TMCC2: variants seen among roughly 807,000 people sequenced by gnomAD.
TMCC2 encodes the protein transmembrane and coiled-coil domains protein 2.
Under a neutral mutation model 49.4 loss-of-function variants are expected in TMCC2, and 16 were observed. That is an observed-to-expected ratio of 0.32 (90% CI 0.22 to 0.49). The LOEUF is 0.49. Among genes scored for constraint, TMCC2 ranks in the 20% least tolerant of loss-of-function variants. TMCC2 has a pLI of 0.99. For synonymous variants in TMCC2, 397 were observed against 434.1 expected, an observed-to-expected ratio of 0.91 and a Z score of 1.06; for missense variants, 762 against 989.8, an observed-to-expected ratio of 0.77 and a Z score of 3.09.
In TMCC2 at chr1:205,241,677, C is replaced by T. The variant is rs1660268741; in HGVS notation, c.380C>T (p.Pro127Leu). The part of the protein sequence containing the change: ...HDSPDEKERS[P>L]EMHRVSYAMS... ...TCCCCAGATGAGAAGGAGCGCTCTCCGGAGATGCATCGCGTCTCCTACGCC... is the reference window on the plus strand; with the variant it reads ...TCCCCAGATGAGAAGGAGCGCTCTCTGGAGATGCATCGCGTCTCCTACGCC... The change falls in exon 2 of 5, where the codon CCG (proline) becomes CTG (leucine). Residue 127 changes from proline to leucine, a missense_variant. Physicochemically the swap from Pro to Leu is moderately conservative, Grantham distance 98. This residue lies in a region of TMCC2 where 322 missense variants were observed against 353.1 expected (regional missense o/e 0.91). Coordinates refer to ENST00000358024, the MANE Select transcript of TMCC2 (RefSeq NM_014858.4). This position sits in a 1 kb window ranked among gnomAD's most constrained non-coding sequence, Gnocchi z 7.3. The T allele has an allele frequency of 2.5e-6, 4 of 1,613,720 alleles. No homozygotes were observed. The highest frequency in any genetic ancestry group is 3.4e-6 in the Non-Finnish European group (4 of 1,180,000).
chr1:205,269,734 G>A lies in TMCC2; in HGVS notation c.1532G>A (p.Gly511Asp), dbSNP rs746478355. ...AGCCCTAAGTCCAATGCACTGTATG[G>A]TGCTCCTGGAAACCTGGATGCTCTG... ...LGSPKSNALY[G>D]APGNLDALLE... The change falls in exon 3 of 5, where the codon GGT becomes GAT. Residue 511 changes from glycine (G) to aspartate (D), a missense_variant. Gly to Asp is a moderately conservative substitution (Grantham distance 94, BLOSUM62 -1). Around this residue, in one of 2 missense-constraint regions of TMCC2, gnomAD observed 440 missense variants for 636.7 expected, o/e 0.69. Transcript: ENST00000358024. 1 of 1,614,212 alleles carries A rather than the reference G, an allele frequency of 6.2e-7. No homozygotes were observed. The highest frequency in any genetic ancestry group is 8.5e-7 in the Non-Finnish European group (1 of 1,180,024).
chr1:205,241,402 C>T lies in TMCC2; in HGVS notation c.208-103C>T. ...TTCCAGGTTCAGATGGCTGCATTAG[C>T]TATGCCAGTCTACCAAGGACAGACC... On this transcript the variant is annotated intron_variant, in intron 1 of 4. Coordinates refer to ENST00000358024, the MANE Select transcript of TMCC2 (RefSeq NM_014858.4). The surrounding 1 kb of genome is among the most constrained non-coding windows in gnomAD (Gnocchi z 7.3). The T allele has an allele frequency of 8.1e-7, 1 of 1,237,306 alleles. No homozygotes were observed. Among genetic ancestry groups the T allele is most frequent in the Non-Finnish European group, 1.1e-6 (1 of 887,472 alleles). 76.6% of individuals were successfully genotyped at this position (1,237,306 alleles called of 1,614,324 possible). A position where few individuals can be genotyped will look rare whatever the true frequency, so the allele number is the denominator to read the frequency against.
intron 1 of TMCC2, among the ~76,000 whole-genome samples, chr1:205,232,267 A>G (rs1313838045): frequency 6.6e-6 from 1 of 152,232 alleles, no homozygotes; most frequent in Non-Finnish European, 1.5e-5. Flanking sequence ...CAGGAGGCTC[A>G]TGCAGATACA....
rs1241476015 is a variant in TMCC2 at position 205,229,545 on chromosome 1, CGGGGGGGGG to C, written c.207+779_207+787del. The C allele has an allele frequency of 3.1e-4, 93 of 298,770 alleles. 2 individuals carry two copies. The South Asian group carries it at 0.014, about 46-fold the overall frequency. The allele number at this position is 298,770 out of a possible 1,614,324, so 18.5% of individuals were successfully genotyped here. A position where few individuals can be genotyped will look rare whatever the true frequency, so the allele number is the denominator to read the frequency against. The stretch of plus-strand genomic sequence containing the variant: ...CTCAGTTTGCCGATCTGTGAAGGGG[CGGGGGGGGG>C]GGGGTGGTGGCGGGGGCGGGGGGGG... On this transcript the variant is annotated intron_variant, in intron 1 of 4. Coordinates refer to ENST00000358024, the MANE Select transcript of TMCC2 (RefSeq NM_014858.4).
At position 205,271,225 on chromosome 1, in the gene TMCC2, C is replaced by T. The variant is rs1325506977; in HGVS notation, c.1788C>T (p.Tyr596=). ...CCAGCATGGAGGAGAAGGTGGCCTACCAGTCCTATGAGAGGGCACGGGACA... is the reference window on the plus strand; with the variant it reads ...CCAGCATGGAGGAGAAGGTGGCCTATCAGTCCTATGAGAGGGCACGGGACA... ...ELASMEEKVA[Y]QSYERARDIQ... Residue 596 remains tyrosine (Y), a synonymous_variant, in exon 4 of 5, where the codon TAC becomes TAT. Coordinates refer to ENST00000358024, the MANE Select transcript of TMCC2 (RefSeq NM_014858.4). 1 of 1,614,040 alleles carries T rather than the reference C, an allele frequency of 6.2e-7. No homozygotes were observed. Among genetic ancestry groups the T allele is most frequent in the African/African-American group, 1.3e-5 (1 of 74,936 alleles).
At chr1:205,260,178 C>T (rs926638361) in intron 2 of TMCC2, among the ~76,000 whole-genome samples, 4 of 152,176 alleles carry the variant, frequency 2.6e-5, no homozygotes, top group Non-Finnish European at 5.9e-5. Context: ...GCCAGCCTAT[C>T]TCAGGCAGGT....
At position 205,228,786 on chromosome 1, in the gene TMCC2, T is replaced by C. The variant is rs1313662041; in HGVS notation, c.207+15T>C. On this transcript the variant is annotated intron_variant, in intron 1 of 4. Coordinates refer to ENST00000358024, the MANE Select transcript of TMCC2 (RefSeq NM_014858.4). ...CTGATTTAAAGGTGAGCGCAGACCA[T>C]CCCCCCGGCAAGCCCAGCCCGCGAC... The C allele has an allele frequency of 1.9e-6, 3 of 1,573,914 alleles. No homozygotes were observed. The highest frequency in any genetic ancestry group is 2.3e-5 in the East Asian group (1 of 42,884).
chr1:205,233,246 C>G (rs923872915), intron 1 of TMCC2, among the ~76,000 whole-genome samples: 3 of 152,168 alleles, frequency 2.0e-5, no homozygotes, highest in Admixed American at 2.0e-4. Flanking sequence ...TCACAAAAGC[C>G]CCTTTAAGTA....
chr1:205,228,715 G>C lies in TMCC2; in HGVS notation c.151G>C (p.Ala51Pro), dbSNP rs1227355440. The change falls in exon 1 of 5, where the codon GCC (alanine) becomes CCC (proline). Residue 51 changes from alanine (A) to proline (P), a missense_variant. Ala to Pro is a conservative substitution (Grantham distance 27). Around this residue, in one of 2 missense-constraint regions of TMCC2, gnomAD observed 322 missense variants for 353.1 expected, o/e 0.91. Coordinates refer to ENST00000358024, the MANE Select transcript of TMCC2 (RefSeq NM_014858.4). ...ANSAGGPTSD[A>P]GAAAAPNPGP... ...CTCTGCTGGCGGGCCAACTTCAGAC[G>C]CCGGCGCTGCCGCGGCGCCCAACCC... 1 of 1,610,980 alleles carries C rather than the reference G, an allele frequency of 6.2e-7. No homozygotes were observed. The highest frequency in any genetic ancestry group is 1.1e-5 in the South Asian group (1 of 90,918).
At chr1:205,257,114 G>C (rs1203235958) in intron 2 of TMCC2, 4 of 1,217,032 alleles carry the variant, frequency 3.3e-6, no homozygotes, top group Admixed American at 8.4e-5. Flanking sequence ...TCTCCTGCCA[G>C]ATGGGAAGGA....
chr1:205,237,560 C>G (rs142093471), intron 1 of TMCC2, among the ~76,000 whole-genome samples: 1 of 152,330 alleles, frequency 6.6e-6, no homozygotes, highest in Non-Finnish European at 1.5e-5. Flanking sequence ...ACACACGTAC[C>G]TGTAAAAATT....
chr1:205,266,191 A>G (rs951740113), intron 2 of TMCC2, among the ~76,000 whole-genome samples: 1 of 150,436 alleles, frequency 6.6e-6, no homozygotes, highest in Non-Finnish European at 1.5e-5. Flanking sequence ...CAGTGAGCCA[A>G]GATTGCGCCA....
At chr1:205,268,202 A>C in intron 2 of TMCC2, 1 of 430,426 alleles carries the variant, frequency 2.3e-6, no homozygotes, top group Non-Finnish European at 3.1e-6. Context: ...TGCTCAAGGC[A>C]GGAGCCTTAT....
chr1:205,242,158 C>A, intron 2 of TMCC2, 114 bp downstream of exon 2: 3 of 1,173,860 alleles, frequency 2.6e-6, no homozygotes, highest in Non-Finnish European at 3.5e-6. Flanking sequence ...ACTGACACCC[C>A]ACCGTCTGCA....
In TMCC2 at chr1:205,271,935, C is replaced by T; in HGVS notation, c.1941C>T (p.Ile647=). The T allele has an allele frequency of 6.2e-7, 1 of 1,614,228 alleles. No individual in the cohort carries two copies. Among genetic ancestry groups the T allele is most frequent in the Non-Finnish European group, 8.5e-7 (1 of 1,180,046 alleles). The change falls in exon 5 of 5, where the codon ATC becomes ATT. Residue 647 remains isoleucine (I), a synonymous_variant. Coordinates refer to ENST00000358024, the MANE Select transcript of TMCC2 (RefSeq NM_014858.4). ...CGCGGGCGCTGCTGGGCAAGTTCATCAACGTGATCCTGGCGCTCATGGCCG... is the reference window on the plus strand; with the variant it reads ...CGCGGGCGCTGCTGGGCAAGTTCATTAACGTGATCCTGGCGCTCATGGCCG... ...ANARALLGKF[I]NVILALMAVL...
intron 1 of TMCC2, chr1:205,229,066 T>C (rs930048478): frequency 1.6e-5 from 20 of 1,242,742 alleles, no homozygotes; most frequent in Non-Finnish European, 1.9e-5. Flanking sequence ...GACAAAGGGC[T>C]GGAGAAATCC....
intron 1 of TMCC2, among the ~76,000 whole-genome samples, chr1:205,238,530 G>C (rs1035515797): frequency 6.6e-6 from 1 of 152,140 alleles, no homozygotes; most frequent in Non-Finnish European, 1.5e-5. Context: ...GTTTCCTTCA[G>C]CTGCAGGACA....
Position 205,269,607 on chromosome 1 carries a change from T to A in TMCC2, c.1405T>A (p.Ser469Thr). Residue 469 changes from serine (S) to threonine (T), a missense_variant, in exon 3 of 5, where the codon TCC becomes ACC. Ser to Thr is a moderately conservative substitution (Grantham distance 58). Around this residue, in one of 2 missense-constraint regions of TMCC2, gnomAD observed 440 missense variants for 636.7 expected, o/e 0.69. Transcript: ENST00000358024. ...RALSGSATLVSSPKYGSDDEC... is the reference protein window; with the variant it reads ...RALSGSATLVTSPKYGSDDEC... Reference sequence around the variant, plus strand: ...ACTGAGCGGCAGTGCCACACTCGTCTCCAGCCCCAAGTATGGCAGCGATGA... The same window carrying A: ...ACTGAGCGGCAGTGCCACACTCGTCACCAGCCCCAAGTATGGCAGCGATGA... The A allele has an allele frequency of 6.2e-7, 1 of 1,613,792 alleles. No individual in the cohort carries two copies. Among genetic ancestry groups the A allele is most frequent in the African/African-American group, 1.3e-5 (1 of 75,042 alleles).
chr1:205,236,656 A>G (rs896318), intron 1 of TMCC2: 72,741 of 152,136 alleles, frequency 0.48, 20,075 homozygotes, highest in Non-Finnish European at 0.61. Flanking sequence ...CAGTCAGACA[A>G]AGCACTAGAA....
Sources: allele counts gnomAD v4.1 joint callset (sites outside exome capture counted in the v4.1 genomes callset), GRCh38; gene constraint gnomAD v4.1.1; regional missense constraint gnomAD v4.1.1; non-coding constraint Gnocchi (gnomAD v3.1); transcripts MANE v1.5; gene names NCBI Gene and HGNC (gene_info 2026-07-23, HGNC 2026-07-21).